NTM: variants seen among roughly 807,000 people sequenced by gnomAD.
NTM encodes the protein IgLON family member 2.
Under a neutral mutation model 42.1 loss-of-function variants are expected in NTM, and 13 were observed. The observed-to-expected ratio is 0.31, with a 90% CI of 0.20 to 0.49. NTM has a LOEUF of 0.49. NTM is among the 20% of genes least tolerant of loss of function. The pLI, the probability that NTM is intolerant of heterozygous loss-of-function variation, is 0.99. For missense variants in NTM, 373 were observed against 452.8 expected (o/e 0.82, Z 1.60); for synonymous variants, 187 against 179.2 (o/e 1.04, Z -0.35).
chr11:131,961,127 GC>G (rs2062122347), intron 2 of NTM, among the ~76,000 whole-genome samples: 1 of 152,084 alleles, frequency 6.6e-6, no homozygotes, highest in Non-Finnish European at 1.5e-5. Flanking sequence ...AACTATGCTG[GC>G]CTGGGGTTGC....
intron 5 of NTM, among the ~76,000 whole-genome samples, chr11:132,308,227 G>A (rs1358571483): frequency 6.6e-6 from 1 of 152,182 alleles, no homozygotes; most frequent in African/African-American, 2.4e-5. Context: ...GAAACCATGT[G>A]CTAGAGTGTA....
intron 1 of NTM, among the ~76,000 whole-genome samples, chr11:131,411,663 G>A (rs1022849678): frequency 6.6e-6 from 1 of 151,696 alleles, no homozygotes; most frequent in African/African-American, 2.4e-5. Context: ...GAAATCAGGG[G>A]AAGGTGATAT....
intron 2 of NTM, among the ~76,000 whole-genome samples, chr11:132,001,233 A>C (rs2069162535): frequency 6.6e-6 from 1 of 152,228 alleles, no homozygotes; most frequent in Non-Finnish European, 1.5e-5. Flanking sequence ...TGTGTACAAG[A>C]GTATACTGGG....
chr11:132,231,548 T>G (rs1290867797), intron 4 of NTM, among the ~76,000 whole-genome samples: 3 of 152,218 alleles, frequency 2.0e-5, no homozygotes, highest in Non-Finnish European at 2.9e-5. Flanking sequence ...TAACTGAAAG[T>G]AATACTATGA....
At chr11:132,182,845 T>C (rs548768693) in intron 3 of NTM, among the ~76,000 whole-genome samples, 1 of 149,574 alleles carries the variant, frequency 6.7e-6, no homozygotes, top group Non-Finnish European at 1.5e-5. Flanking sequence ...ACTGACCTTA[T>C]AGTACAGGAA....
intron 1 of NTM, among the ~76,000 whole-genome samples, chr11:131,650,744 T>C (rs939620342): frequency 6.6e-6 from 1 of 151,926 alleles, no homozygotes; most frequent in Non-Finnish European, 1.5e-5. Flanking sequence ...GAGCTTAAAC[T>C]ACATCAGAAA....
chr11:131,391,890 G>A (rs1456796015), intron 1 of NTM, among the ~76,000 whole-genome samples: 2 of 152,262 alleles, frequency 1.3e-5, no homozygotes, highest in Non-Finnish European at 2.9e-5. Flanking sequence ...AAAGAAGGCT[G>A]TATTAAGGGA....
chr11:131,671,636 C>T (rs2070265009), intron 1 of NTM: 2 of 979,912 alleles, frequency 2.0e-6, no homozygotes, highest in South Asian at 4.7e-5. Context: ...GGCTCAGAGC[C>T]CTGTGAGAAC....
At chr11:131,938,909 G>A (rs1021524411) in intron 2 of NTM, among the ~76,000 whole-genome samples, 7 of 152,132 alleles carry the variant, frequency 4.6e-5, no homozygotes, top group Non-Finnish European at 1.5e-5. Flanking sequence ...AGAGACTGGT[G>A]GAGTAGGTGG....
At chr11:132,053,572 A>C (rs934407610) in intron 2 of NTM, among the ~76,000 whole-genome samples, 11 of 152,220 alleles carry the variant, frequency 7.2e-5, no homozygotes, top group Non-Finnish European at 1.6e-4. Flanking sequence ...GGGAATGTAG[A>C]GGGATTAATG....
At chr11:131,531,853 G>A (rs1040481071) in intron 1 of NTM, among the ~76,000 whole-genome samples, 16 of 152,162 alleles carry the variant, frequency 1.1e-4, no homozygotes, top group African/African-American at 3.9e-4. Context: ...TATTTTGGAG[G>A]GCAAGATAGG....
rs114010702 is a variant in NTM at position 131,546,008 on chromosome 11, T to C, written c.82+175120T>C. 7.1e-3 allele frequency among the ~76,000 whole-genome samples: 1,087 copies of C among 152,310 alleles called. 8 individuals are homozygous for C. Among genetic ancestry groups the C allele is most frequent in the African/African-American group, 0.024 (1,012 of 41,572 alleles). On this transcript the variant is annotated intron_variant, in intron 1 of 8. Transcript: ENST00000683400. ...AGAAAGTGGGAGGGGGACCTTTACA[T>C]GTTACCTAATACACTGCTGTGGAAT... is the stretch of plus-strand genomic sequence containing the variant.
At chr11:132,237,858 T>C (rs3099792) in intron 4 of NTM, among the ~76,000 whole-genome samples, 96,694 of 152,074 alleles carry the variant, frequency 0.64, 31,050 homozygotes, top group Middle Eastern at 0.76. Context: ...ACCCTTTCAA[T>C]AGGCTTGAAT....
Position 131,911,619 on chromosome 11 carries a change from G to T in NTM, c.138G>T (p.Thr46=), listed in dbSNP as rs1391055220. Residue 46 remains threonine (T), a synonymous_variant, in exon 2 of 9, where the codon ACG becomes ACT. Transcript: ENST00000683400. The stretch of plus-strand genomic sequence containing the variant: ...TCCCCAAAGCTATGGACAACGTGAC[G>T]GTCCGGCAGGGGGAGAGCGCCACCC... ...ATFPKAMDNV[T]VRQGESATLR... 1 of 1,614,052 alleles carries T rather than the reference G, an allele frequency of 6.2e-7. No individual in the cohort carries two copies. The highest frequency in any genetic ancestry group is 1.7e-5 in the Admixed American group (1 of 59,996).
chr11:132,009,544 G>A (rs60689843), intron 2 of NTM, among the ~76,000 whole-genome samples: 5,172 of 152,304 alleles, frequency 0.034, 295 homozygotes, highest in African/African-American at 0.12. Flanking sequence ...CATCCCGGCA[G>A]CTCTGAGGCT....
At chr11:131,402,083 G>T (rs1282765722) in intron 1 of NTM, among the ~76,000 whole-genome samples, 1 of 151,412 alleles carries the variant, frequency 6.6e-6, no homozygotes, top group Middle Eastern at 3.2e-3. Flanking sequence ...TGGAAAGACA[G>T]CTGGCAGGAA....
intron 3 of NTM, among the ~76,000 whole-genome samples, chr11:132,162,735 G>T (rs1052947674): frequency 7.3e-6 from 1 of 137,794 alleles, no homozygotes; most frequent in Non-Finnish European, 1.7e-5. Context: ...GAGCATGTGT[G>T]AGTGTGTGTA....
chr11:131,741,579 A>G (rs11222762), intron 1 of NTM, among the ~76,000 whole-genome samples: 28,437 of 152,100 alleles, frequency 0.19, 2,811 homozygotes, highest in East Asian at 0.31. Flanking sequence ...CTACTTTAAT[A>G]CTTCCATATT....
rs367599832 is a variant in NTM, at chr11:131,410,471, T to A, written c.82+39583T>A. Among the ~76,000 whole-genome samples, 4 of 128,568 alleles carry A rather than the reference T, an allele frequency of 3.1e-5. No individual in the cohort carries two copies. In the East Asian group the frequency reaches 8.7e-4, roughly 28 times the overall value. 84.3% of individuals were successfully genotyped at this position (128,568 alleles called of 152,430 possible). A position where few individuals can be genotyped will look rare whatever the true frequency, so the allele number is the denominator to read the frequency against. ...TTGTACCACTGCACTCCAGCCTAGG[T>A]GACAGAGTGAGACCCTGTCTCAGAA... On this transcript the variant is annotated intron_variant, in intron 1 of 8. Transcript: ENST00000683400.
Sources: allele counts gnomAD v4.1 joint callset (sites outside exome capture counted in the v4.1 genomes callset), GRCh38; gene constraint gnomAD v4.1.1; transcripts MANE v1.5; gene names NCBI Gene and HGNC (gene_info 2026-07-23, HGNC 2026-07-21).